The following TCERG1 variants were observed in gnomAD, a reference collection of about 807,000 sequenced individuals.
TCERG1 encodes the protein TATA box binding protein (TBP)-associated factor, RNA polymerase II, S, 150kD.
A neutral mutation model predicts 144.7 loss-of-function variants in TCERG1; 37 were observed. That is an observed-to-expected ratio of 0.26 (90% CI 0.20 to 0.34). TCERG1 has a LOEUF of 0.34. Among genes scored for constraint, TCERG1 ranks in the 10% least tolerant of loss-of-function variants. TCERG1 has a pLI of 1.00. For synonymous variants in TCERG1, 492 were observed against 458.2 expected, an observed-to-expected ratio of 1.07 and a Z score of -0.94; for missense variants, 1,027 against 1,380.7, an observed-to-expected ratio of 0.74 and a Z score of 4.06.
Position 146,468,387 on chromosome 5 carries a change from C to A in TCERG1, c.1182C>A (p.Val394=). 1 of 1,609,530 alleles carries A rather than the reference C, an allele frequency of 6.2e-7. No individual in the cohort carries two copies. Among genetic ancestry groups the A allele is most frequent in the Non-Finnish European group, 8.5e-7 (1 of 1,177,772 alleles). The part of the protein sequence containing the change: ...QIVSCPYVKT[V]ATTKTGVLPG... Reference sequence around the variant, plus strand: ...TCAGCTGCCCGTATGTAAAGACAGTCGCTACCACCAAGACCGGTAATTTTT... The same window carrying A: ...TCAGCTGCCCGTATGTAAAGACAGTAGCTACCACCAAGACCGGTAATTTTT... Residue 394 remains valine (V), a synonymous_variant, in exon 6 of 23, where the codon GTC becomes GTA. Transcript: ENST00000679501.
intron 8 of TCERG1, among the ~76,000 whole-genome samples, chr5:146,471,048 C>T (rs1184859658): frequency 6.6e-6 from 1 of 152,168 alleles, no homozygotes; most frequent in East Asian, 1.9e-4. Context: ...TAACTTCTTA[C>T]TTGGGGAATG....
intron 9 of TCERG1, among the ~76,000 whole-genome samples, chr5:146,476,064 G>A (rs1390988959): frequency 6.6e-6 from 1 of 152,016 alleles, no homozygotes; most frequent in Non-Finnish European, 1.5e-5. Flanking sequence ...GTGACAAGAT[G>A]TTCTAGGCTT....
intron 9 of TCERG1, among the ~76,000 whole-genome samples, chr5:146,475,541 G>A (rs931597589): frequency 6.6e-6 from 1 of 152,204 alleles, no homozygotes; most frequent in Non-Finnish European, 1.5e-5. Context: ...TATGTCAGCA[G>A]TGTAAGATTG....
chr5:146,449,008 G>T (rs1343167558), intron 1 of TCERG1, among the ~76,000 whole-genome samples: 1 of 152,194 alleles, frequency 6.6e-6, no homozygotes, highest in South Asian at 2.1e-4. Context: ...AAATGAATTT[G>T]CCCTGTTGCA....
intron 1 of TCERG1, among the ~76,000 whole-genome samples, chr5:146,448,970 A>G (rs1262191574): frequency 6.6e-6 from 1 of 152,240 alleles, no homozygotes; most frequent in Non-Finnish European, 1.5e-5. Flanking sequence ...ACTGTTGCAC[A>G]ACTGATTTGA....
intron 15 of TCERG1, among the ~76,000 whole-genome samples, chr5:146,487,340 A>C (rs1313415051): frequency 6.6e-6 from 1 of 152,156 alleles, no homozygotes; most frequent in African/African-American, 2.4e-5. Flanking sequence ...TCCCAAGCTC[A>C]TGGATCAGAA....
chr5:146,458,318 A>G (rs1351485602), intron 3 of TCERG1, among the ~76,000 whole-genome samples: 1 of 151,516 alleles, frequency 6.6e-6, no homozygotes, highest in Non-Finnish European at 1.5e-5. Flanking sequence ...CTGGGATTAC[A>G]GGCGCCTGCC....
In TCERG1 at chr5:146,510,446, A is replaced by G; in HGVS notation, c.3152A>G (p.Lys1051Arg). ...ACTTCTTTTTCTTATTTCAGATCCA[A>G]AAAATTAATCCAAGAATCAGATCAG... Reference protein sequence around the residue: ...KETKFITYRSKKLIQESDQHL... With the variant: ...KETKFITYRSRKLIQESDQHL... The change falls in exon 23 of 23, where the codon AAA becomes AGA. Residue 1051 changes from lysine to arginine, a missense_variant. This residue lies in a region of TCERG1 where 133 missense variants were observed against 283.2 expected (regional missense o/e 0.47). Transcript: ENST00000679501. 1 of 1,613,082 alleles carries G rather than the reference A, an allele frequency of 6.2e-7. No individual in the cohort carries two copies.
At position 146,457,229 on chromosome 5, in the gene TCERG1, C is replaced by T. The variant is rs778321357; in HGVS notation, c.332C>T (p.Pro111Leu). ...PPPMSSMPPP[P>L]GMMFPPGMPP... Reference sequence around the variant, plus strand: ...CCCATGAGTTCCATGCCTCCTCCTCCGGGTATGATGTTTCCACCAGGAATG... The same window carrying T: ...CCCATGAGTTCCATGCCTCCTCCTCTGGGTATGATGTTTCCACCAGGAATG... The change falls in exon 3 of 23, where the codon CCG becomes CTG. Residue 111 changes from proline to leucine, a missense_variant. Physicochemically the swap from Pro to Leu is moderately conservative, Grantham distance 98. Coordinates refer to ENST00000679501, the MANE Select transcript of TCERG1 (RefSeq NM_001382548.1). 11 of 1,614,110 alleles carry T rather than the reference C, an allele frequency of 6.8e-6. No homozygotes were observed. Among genetic ancestry groups the T allele is most frequent in the South Asian group, 1.1e-5 (1 of 91,078 alleles).
At position 146,459,253 on chromosome 5, in the gene TCERG1, G is replaced by A. The variant is rs1763135146; in HGVS notation, c.808G>A (p.Val270Ile). The change falls in exon 4 of 23, where the codon GTA becomes ATA. Residue 270 changes from valine to isoleucine, a missense_variant. Coordinates refer to ENST00000679501, the MANE Select transcript of TCERG1 (RefSeq NM_001382548.1). The stretch of plus-strand genomic sequence containing the variant: ...TACGACCAGTAGCCCAGCACCTGCA[G>A]TATCCACTTCAACATCATCATCCAC... ...TPTTSSPAPA[V>I]STSTSSSTPS... The A allele has an allele frequency of 3.7e-6, 6 of 1,614,272 alleles. No homozygotes were observed. Among genetic ancestry groups the A allele is most frequent in the Non-Finnish European group, 4.2e-6 (5 of 1,180,050 alleles).
At chr5:146,447,489 G>C in intron 1 of TCERG1, 81 bp downstream of exon 1, 1 of 1,525,582 alleles carries the variant, frequency 6.6e-7, no homozygotes, top group East Asian at 2.5e-5. Flanking sequence ...GTGGAGATCC[G>C]GGGCGGACGG....
At chr5:146,468,712 T>C in intron 6 of TCERG1, among the ~76,000 whole-genome samples, 1 of 152,284 alleles carries the variant, frequency 6.6e-6, no homozygotes, top group East Asian at 1.9e-4. Flanking sequence ...GATGTGTGTT[T>C]TTAAGTTAAA....
intron 17 of TCERG1, 61 bp from the exon 18 acceptor site, chr5:146,503,313 AT>A: frequency 6.7e-7 from 1 of 1,491,034 alleles, no homozygotes; most frequent in Non-Finnish European, 9.1e-7. Flanking sequence ...TATTTAAGAT[AT>A]GATGAATTTC....
chr5:146,497,832 G>A (rs1767073281), intron 16 of TCERG1, among the ~76,000 whole-genome samples: 1 of 152,102 alleles, frequency 6.6e-6, no homozygotes, highest in Non-Finnish European at 1.5e-5. Context: ...CTGACTCTCT[G>A]TTATCTCTTC....
At chr5:146,469,452 T>C (rs1764092858) in intron 6 of TCERG1, 92 bp from the exon 7 acceptor site, 1 of 1,048,488 alleles carries the variant, frequency 9.5e-7, no homozygotes, top group East Asian at 2.8e-5. Context: ...CATTTATTAA[T>C]ATTTAATAGA....
chr5:146,449,821 A>G (rs948963459), intron 1 of TCERG1, among the ~76,000 whole-genome samples: 4 of 152,244 alleles, frequency 2.6e-5, no homozygotes, highest in Non-Finnish European at 5.9e-5. Flanking sequence ...TCATTTGTAT[A>G]GATCCTTTCC....
intron 9 of TCERG1, among the ~76,000 whole-genome samples, chr5:146,475,241 A>G (rs2150457114): frequency 6.6e-6 from 1 of 152,324 alleles, no homozygotes. Context: ...AGGATCCTCC[A>G]TTCCTGAATT....
intron 19 of TCERG1, 174 bp downstream of exon 19, chr5:146,504,180 C>A: frequency 3.7e-6 from 2 of 547,500 alleles, no homozygotes; most frequent in Non-Finnish European, 5.6e-6. Context: ...GGAAAAAACC[C>A]AAGTTATTCA....
intron 15 of TCERG1, among the ~76,000 whole-genome samples, chr5:146,486,089 C>T (rs1047793231): frequency 1.3e-5 from 2 of 152,136 alleles, no homozygotes; most frequent in African/African-American, 4.8e-5. Context: ...AAAATAAACA[C>T]GTTTTTTGAA....
Sources: gnomAD v4.1 joint callset for allele counts (sites outside exome capture counted in the v4.1 genomes callset) on GRCh38, gnomAD v4.1.1 for gene constraint, gnomAD v4.1.1 regional missense constraint, MANE v1.5 for transcripts, NCBI Gene and HGNC (gene_info 2026-07-23, HGNC 2026-07-21) for gene names.